Variants in LINGO2 observed in about 807,000 individuals in gnomAD.
LINGO2 encodes the protein leucine rich repeat and Ig domain containing 2, also known as leucine-rich repeat and immunoglobulin-like domain-containing nogo receptor-interacting protein 2.
Under a neutral mutation model 30.6 loss-of-function variants are expected in LINGO2, and 14 were observed. That is an observed-to-expected ratio of 0.46 (90% confidence interval 0.30 to 0.72). The LOEUF (loss-of-function observed/expected upper bound fraction) is 0.72. Among genes scored for constraint, LINGO2 ranks in the 30% least tolerant of loss-of-function variants. LINGO2 has a pLI of 0.07. For missense variants in LINGO2, 729 were observed against 751.7 expected, an observed-to-expected ratio of 0.97 and a Z score of 0.35; for synonymous variants, 317 against 288.5, an observed-to-expected ratio of 1.10 and a Z score of -1.00.
chr9:28,955,239 A>G, the LINGO2 span, among the ~76,000 whole-genome samples: 1 of 152,298 alleles, frequency 6.6e-6, no homozygotes, highest in South Asian at 2.1e-4. Flanking sequence ...ACAGAGATAG[A>G]CAGGCAAAGA....
At chr9:28,981,905 GA>G in the LINGO2 span, among the ~76,000 whole-genome samples, 1 of 151,956 alleles carries the variant, frequency 6.6e-6, no homozygotes, top group Non-Finnish European at 1.5e-5. Flanking sequence ...AAATTGGAAT[GA>G]AATTTGGAAA....
chr9:29,043,231 A>C, the LINGO2 span, among the ~76,000 whole-genome samples: 2 of 151,636 alleles, frequency 1.3e-5, no homozygotes, highest in African/African-American at 2.4e-5. Context: ...AAAGATGTAG[A>C]CTGGAAATTT....
the LINGO2 span, among the ~76,000 whole-genome samples, chr9:28,843,031 G>C: frequency 6.6e-6 from 1 of 151,712 alleles, no homozygotes; most frequent in African/African-American, 2.4e-5. Flanking sequence ...CATGATAAAC[G>C]CTAATATGAA....
chr9:28,794,389 A>G, the LINGO2 span, among the ~76,000 whole-genome samples: 1 of 152,138 alleles, frequency 6.6e-6, no homozygotes, highest in Non-Finnish European at 1.5e-5. Context: ...TTTATGCTAC[A>G]CCTTGGGGGA....
At chr9:28,362,885 C>T (rs1376741917) in intron 3 of LINGO2, among the ~76,000 whole-genome samples, 2 of 152,220 alleles carry the variant, frequency 1.3e-5, no homozygotes, top group African/African-American at 2.4e-5. Context: ...TCTAATTCTC[C>T]CAGCATCTGA....
chr9:29,034,850 C>G, the LINGO2 span, among the ~76,000 whole-genome samples: 3 of 152,128 alleles, frequency 2.0e-5, no homozygotes, highest in African/African-American at 7.2e-5. Context: ...ACTGACAATG[C>G]CATAATGAGC....
chr9:28,836,309 T>G, the LINGO2 span, among the ~76,000 whole-genome samples: 2 of 152,136 alleles, frequency 1.3e-5, no homozygotes, highest in Non-Finnish European at 2.9e-5. Context: ...GCATCGCCCA[T>G]TATCCTAACT....
chr9:28,915,305 C>T, the LINGO2 span, among the ~76,000 whole-genome samples: 12 of 152,234 alleles, frequency 7.9e-5, no homozygotes, highest in East Asian at 1.9e-4. Context: ...AAGAAAGGCA[C>T]GGGTTCTCAA....
At chr9:28,374,385 AAAT>A (rs1449112821) in intron 2 of LINGO2, among the ~76,000 whole-genome samples, 4 of 151,956 alleles carry the variant, frequency 2.6e-5, no homozygotes, top group Non-Finnish European at 5.9e-5. Flanking sequence ...TATAAGGAGA[AAAT>A]AAATTTTTAA....
chr9:28,777,647 A>C, the LINGO2 span, among the ~76,000 whole-genome samples: 1 of 152,340 alleles, frequency 6.6e-6, no homozygotes, highest in East Asian at 1.9e-4. Flanking sequence ...AGAGAGGTGC[A>C]GGAATGTGCG....
At chr9:29,088,252 T>C in the LINGO2 span, among the ~76,000 whole-genome samples, 5 of 152,154 alleles carry the variant, frequency 3.3e-5, no homozygotes, top group Admixed American at 2.6e-4. Context: ...CATCTTCCTA[T>C]GATCCACGCC....
rs111487375 is a variant in LINGO2 at position 28,158,461 on chromosome 9, T to G, written c.-87+136747A>C. Among the ~76,000 whole-genome samples, 305 of 152,222 alleles carry G rather than the reference T, an allele frequency of 2.0e-3. 1 individual carries two copies. The highest frequency in any genetic ancestry group is 3.0e-3 in the African/African-American group (125 of 41,540). On this transcript the variant is annotated intron_variant, in intron 4 of 5. Coordinates refer to ENST00000379992, the Ensembl canonical transcript of LINGO2. ...GAGAAAGGTGGGCTCTTAAAGTTGG[T>G]TGGGGAGTTTGAAGACAAAAGAAAA...
chr9:28,104,860 T>C (rs962015815), intron 4 of LINGO2, among the ~76,000 whole-genome samples: 6 of 152,046 alleles, frequency 3.9e-5, no homozygotes, highest in Non-Finnish European at 5.9e-5. Context: ...AGAAGATAAA[T>C]ACAGTATGGG....
the LINGO2 span, among the ~76,000 whole-genome samples, chr9:29,103,465 C>A: frequency 6.6e-6 from 1 of 151,970 alleles, no homozygotes; most frequent in African/African-American, 2.4e-5. Context: ...CCTATAGCAA[C>A]ATAATAATTT....
chr9:28,423,069 T>G (rs899610536), intron 2 of LINGO2, among the ~76,000 whole-genome samples: 1 of 152,052 alleles, frequency 6.6e-6, no homozygotes, highest in Admixed American at 6.6e-5. Flanking sequence ...ATTTCCAGTT[T>G]TGCAGGACGA....
intron 4 of LINGO2, among the ~76,000 whole-genome samples, chr9:28,254,189 CAT>C (rs1411236285): frequency 6.6e-6 from 1 of 151,920 alleles, no homozygotes; most frequent in Non-Finnish European, 1.5e-5. Context: ...TTTCCTAGTA[CAT>C]AATAGTTGCT....
At chr9:28,697,785 C>T in the LINGO2 span, among the ~76,000 whole-genome samples, 1 of 151,950 alleles carries the variant, frequency 6.6e-6, no homozygotes, top group African/African-American at 2.4e-5. Context: ...CTAATCAGCT[C>T]AAAAAACCCC....
At chr9:29,167,925 A>C in the LINGO2 span, among the ~76,000 whole-genome samples, 1 of 152,192 alleles carries the variant, frequency 6.6e-6, no homozygotes, top group African/African-American at 2.4e-5. Context: ...GCCACTCCAC[A>C]GTCGTTAGCT....
chr9:28,316,673 A>G (rs188657833), intron 3 of LINGO2, among the ~76,000 whole-genome samples: 2 of 152,300 alleles, frequency 1.3e-5, no homozygotes, highest in Admixed American at 1.3e-4. Flanking sequence ...CACATTTATG[A>G]AACCAATATA....
Sources: allele counts gnomAD v4.1 joint callset (sites outside exome capture counted in the v4.1 genomes callset), GRCh38; gene constraint gnomAD v4.1.1; transcripts MANE v1.5; gene names NCBI Gene and HGNC (gene_info 2026-07-23, HGNC 2026-07-21).